The following SH3KBP1 variants were observed in gnomAD, a reference collection of about 807,000 sequenced individuals.
SH3KBP1 encodes the protein SH3 domain-containing kinase-binding protein 1.
In SH3KBP1, 8 loss-of-function variants were observed where a neutral mutation model predicts 50.1. The ratio of observed to expected loss-of-function variants is 0.16; its 90% CI spans 0.09 to 0.29. The LOEUF is 0.29. Among genes scored for constraint, SH3KBP1 ranks in the 10% least tolerant of loss-of-function variants. The pLI, the probability that SH3KBP1 is intolerant of heterozygous loss-of-function variation, is 1.00. For synonymous variants in SH3KBP1, 227 were observed against 218.6 expected, an observed-to-expected ratio of 1.04 and a Z score of -0.34; for missense variants, 377 against 535.2, an observed-to-expected ratio of 0.70 and a Z score of 2.92.
chrX:19,802,727 C>A (rs1195210038), intron 2 of SH3KBP1, among the ~76,000 whole-genome samples: 1 of 111,439 alleles, frequency 9.0e-6, no homozygotes, highest in Non-Finnish European at 1.9e-5. Context: ...CTGCCCCAGG[C>A]TCTTAGGTCC....
At chrX:19,679,741 C>A (rs924433487) in intron 6 of SH3KBP1, among the ~76,000 whole-genome samples, 1 of 111,807 alleles carries the variant, frequency 8.9e-6, no homozygotes, top group African/African-American at 3.3e-5. Flanking sequence ...CTCCTCTATG[C>A]CCCACTCTTT....
At chrX:19,735,720 T>C (rs1265792843) in intron 3 of SH3KBP1, among the ~76,000 whole-genome samples, 3 of 11,222 alleles carry the variant, frequency 2.7e-4, no homozygotes, top group Non-Finnish European at 5.0e-4. Flanking sequence ...CTCCTTTTTT[T>C]TGGCGGGGGG....
chrX:19,538,413 T>C lies in SH3KBP1; in HGVS notation c.1893-633A>G, dbSNP rs747225843. Among the ~76,000 whole-genome samples the C allele has an allele frequency of 9.1e-5, 10 of 109,521 alleles. No homozygotes were observed. The South Asian group carries it at 4.0e-3, about 44-fold the overall frequency. On this transcript the variant is annotated intron_variant, in intron 16 of 17. Transcript: ENST00000397821. ...TGTAGAGATGGGGGTCTCACTATGT[T>C]GCCCAGGCTGGTCTTGAACTCCTGG... is the stretch of plus-strand genomic sequence containing the variant.
chrX:19,841,928 G>T, intron 1 of SH3KBP1, among the ~76,000 whole-genome samples: 1 of 83,526 alleles, frequency 1.2e-5, no homozygotes. Context: ...GTGGGGGGGG[G>T]CTCTTTTTTT....
chrX:19,826,227 C>A (rs1257875470), intron 2 of SH3KBP1, among the ~76,000 whole-genome samples: 1 of 112,037 alleles, frequency 8.9e-6, no homozygotes, highest in Non-Finnish European at 1.9e-5. Flanking sequence ...GTCATAGGAG[C>A]TAAAACTATC....
intron 8 of SH3KBP1, among the ~76,000 whole-genome samples, chrX:19,617,018 T>C (rs745789483): frequency 1.8e-5 from 2 of 112,209 alleles, no homozygotes; most frequent in South Asian, 7.4e-4. Flanking sequence ...TGACACTCTT[T>C]CCTTGTGTAG....
intron 2 of SH3KBP1, among the ~76,000 whole-genome samples, chrX:19,796,213 T>C (rs779737525): frequency 2.7e-5 from 3 of 111,975 alleles, no homozygotes; most frequent in Non-Finnish European, 5.6e-5. Flanking sequence ...ACTGAGTACA[T>C]CAACAAATAA....
Position 19,665,673 on chromosome X carries a change from A to G in SH3KBP1, c.726+18150T>C, listed in dbSNP as rs188873264. Among the ~76,000 whole-genome samples the G allele has an allele frequency of 5.3e-5, 6 of 112,179 alleles. No homozygotes were observed. The East Asian group carries it at 1.7e-3, about 31-fold the overall frequency. ...AAGGCTGTCATCCTGTAGCTTTTAA[A>G]TGGCCTCCAATGCCACAGAGAAGTA... On this transcript the variant is annotated intron_variant, in intron 6 of 17. Transcript: ENST00000397821.
At chrX:19,675,075 C>A (rs1449806183) in intron 6 of SH3KBP1, among the ~76,000 whole-genome samples, 3 of 101,712 alleles carry the variant, frequency 2.9e-5, no homozygotes, top group Non-Finnish European at 5.9e-5. Context: ...CAAGACCCTG[C>A]CTCAAATAAA....
intron 2 of SH3KBP1, among the ~76,000 whole-genome samples, chrX:19,806,827 A>C (rs1317125525): frequency 1.8e-5 from 2 of 112,170 alleles, no homozygotes; most frequent in Admixed American, 1.9e-4. Flanking sequence ...TTTCACATAA[A>C]CTTAGTACGT....
intron 12 of SH3KBP1, among the ~76,000 whole-genome samples, chrX:19,587,053 T>C (rs2066590564): frequency 9.2e-6 from 1 of 109,137 alleles, no homozygotes; most frequent in Admixed American, 9.7e-5. Context: ...AGAAACCCAG[T>C]CTCTACTAAA....
chrX:19,689,493 C>A (rs887965428), intron 5 of SH3KBP1, among the ~76,000 whole-genome samples: 1 of 112,132 alleles, frequency 8.9e-6, no homozygotes, highest in Non-Finnish European at 1.9e-5. Context: ...CTGAGGTAGA[C>A]CATGGCTCTG....
intron 8 of SH3KBP1, among the ~76,000 whole-genome samples, chrX:19,611,562 C>T (rs982229206): frequency 9.0e-6 from 1 of 111,602 alleles, no homozygotes; most frequent in Non-Finnish European, 1.9e-5. Context: ...CCATGTTGGC[C>T]AGGCTGGTCT....
chrX:19,660,639 G>A (rs2062422835), intron 6 of SH3KBP1, among the ~76,000 whole-genome samples: 1 of 111,702 alleles, frequency 9.0e-6, no homozygotes, highest in Non-Finnish European at 1.9e-5. Context: ...CTCAAGTGCG[G>A]GTCCATGCCA....
intron 1 of SH3KBP1, among the ~76,000 whole-genome samples, chrX:19,869,985 A>C (rs1399219322): frequency 8.9e-6 from 1 of 112,057 alleles, no homozygotes; most frequent in African/African-American, 3.3e-5. Flanking sequence ...AGCAGCAAAA[A>C]ACTGGAAGCA....
At chrX:19,739,925 A>C (rs2064717830) in intron 3 of SH3KBP1, among the ~76,000 whole-genome samples, 1 of 110,876 alleles carries the variant, frequency 9.0e-6, no homozygotes, top group South Asian at 3.8e-4. Context: ...CAGCAGGAGT[A>C]TGGCGGGAGT....
At chrX:19,663,863 A>G (rs1432540169) in intron 6 of SH3KBP1, among the ~76,000 whole-genome samples, 1 of 112,143 alleles carries the variant, frequency 8.9e-6, no homozygotes, top group Non-Finnish European at 1.9e-5. Flanking sequence ...AGGCAAGAGG[A>G]CCACCTGACG....
intron 3 of SH3KBP1, among the ~76,000 whole-genome samples, chrX:19,745,904 C>T (rs779574278): frequency 4.4e-5 from 5 of 112,551 alleles, no homozygotes; most frequent in South Asian, 3.7e-4. Flanking sequence ...GCAGGGTCTG[C>T]GCTAGGGAGC....
rs2067571935 is a variant in SH3KBP1 at position 19,823,048 on chromosome X, T to G, written c.162+13077A>C. ...GACTTCCAATGCAGGCAGGGAATATTCCTTTAATTAATTCCTTTCTTCAGC... is the reference window on the plus strand; with the variant it reads ...GACTTCCAATGCAGGCAGGGAATATGCCTTTAATTAATTCCTTTCTTCAGC... On this transcript the variant is annotated intron_variant, in intron 2 of 17. Coordinates refer to ENST00000397821, the MANE Select transcript of SH3KBP1 (RefSeq NM_031892.3). Among the ~76,000 whole-genome samples, 3 of 111,615 alleles carry G rather than the reference T, an allele frequency of 2.7e-5. No individual in the cohort carries two copies. In the South Asian group the frequency reaches 1.1e-3, roughly 42 times the overall value.
Sources: allele counts gnomAD v4.1 joint callset (sites outside exome capture counted in the v4.1 genomes callset), GRCh38; gene constraint gnomAD v4.1.1; transcripts MANE v1.5; gene names NCBI Gene and HGNC (gene_info 2026-07-23, HGNC 2026-07-21).